Variants in CASZ1 observed in about 807,000 individuals in gnomAD.
CASZ1 encodes the protein castor zinc finger 1.
Under a neutral mutation model 135.2 loss-of-function variants are expected in CASZ1, and 28 were observed. The observed-to-expected ratio is 0.21, with a 90% CI of 0.15 to 0.28. The LOEUF is 0.28. CASZ1 is among the 10% of genes least tolerant of loss of function. The probability of loss-of-function intolerance (pLI) is 1.00; values close to 1 mark genes in which losing one functional copy is unlikely to be tolerated. For synonymous variants in CASZ1, 1,068 were observed against 1,073.4 expected (o/e 0.99, Z 0.10); for missense variants, 2,161 against 2,453.3 (o/e 0.88, Z 2.52).
chr1:10,736,878 G>T (rs1047659589), intron 2 of CASZ1, among the ~76,000 whole-genome samples: 19 of 152,252 alleles, frequency 1.2e-4, no homozygotes, highest in African/African-American at 4.3e-4. Context: ...TGGCACGCCT[G>T]GGTGGGAGGT....
intron 4 of CASZ1, among the ~76,000 whole-genome samples, chr1:10,680,583 C>T (rs567875023): frequency 3.0e-4 from 45 of 152,292 alleles, no homozygotes; most frequent in African/African-American, 9.6e-4. Flanking sequence ...CACTCCAGAG[C>T]GCAAAGGGTA....
rs1642979523 is a variant in CASZ1 at position 10,660,401 on chromosome 1, G to C, written c.641C>G (p.Thr214Ser). ...ISFEKLHAGS[T>S]PEAATSSMLP... Reference sequence around the variant, plus strand: ...CATGGAGGAGGTGGCTGCCTCCGGGGTGGAGCCCGCGTGCAGCTTCTCAAA... The same window carrying C: ...CATGGAGGAGGTGGCTGCCTCCGGGCTGGAGCCCGCGTGCAGCTTCTCAAA... The change falls in exon 6 of 21, where the codon ACC (threonine) becomes AGC (serine). Residue 214 changes from threonine (T) to serine (S), a missense_variant. By Grantham distance (58) the Thr-to-Ser change is moderately conservative (BLOSUM62 1). Coordinates refer to ENST00000377022, the MANE Select transcript of CASZ1 (RefSeq NM_001079843.3). The C allele has an allele frequency of 1.2e-6, 2 of 1,614,200 alleles. No individual in the cohort carries two copies. The highest frequency in any genetic ancestry group is 2.7e-5 in the African/African-American group (2 of 75,068).
chr1:10,756,185 A>G lies in CASZ1; in HGVS notation c.-77+4516T>C, dbSNP rs1640252353. 2.0e-5 allele frequency among the ~76,000 whole-genome samples: 3 copies of G among 152,134 alleles called. No homozygotes were observed. The South Asian group carries it at 6.2e-4, about 31-fold the overall frequency. On this transcript the variant is annotated intron_variant, in intron 2 of 20. Transcript: ENST00000377022. This position sits in a 1 kb window ranked among gnomAD's most constrained non-coding sequence, Gnocchi z 5.9. ...CCCACCACTCCCGCAAGCCGCTGCC[A>G]GCCTGCACTTCTGCTCTCTCCCGTT...
chr1:10,640,446 G>A (rs1321213019), intron 20 of CASZ1, among the ~76,000 whole-genome samples: 1 of 152,202 alleles, frequency 6.6e-6, no homozygotes, highest in South Asian at 2.1e-4. Flanking sequence ...AGTTGGACTC[G>A]GGCCAAGACG....
In CASZ1 at chr1:10,774,994, A is replaced by G. The variant is rs942317910; in HGVS notation, c.-233-14137T>C. Among the ~76,000 whole-genome samples the G allele has an allele frequency of 9.9e-5, 15 of 152,078 alleles. No individual in the cohort carries two copies. The highest frequency in any genetic ancestry group is 3.1e-4 in the African/African-American group (13 of 41,398). ...CACACACACAACACCCCAACAAGGG[A>G]GACAGAATACACCGAGAAAACCTCA... On this transcript the variant is annotated intron_variant, in intron 1 of 20. Coordinates refer to ENST00000377022, the MANE Select transcript of CASZ1 (RefSeq NM_001079843.3). The surrounding 1 kb of genome is among the most constrained non-coding windows in gnomAD (Gnocchi z 4.4).
chr1:10,695,385 C>T (rs1316930558), intron 3 of CASZ1, among the ~76,000 whole-genome samples: 6 of 152,286 alleles, frequency 3.9e-5, no homozygotes, highest in Non-Finnish European at 5.9e-5. Flanking sequence ...TTGGGCCATC[C>T]GCCCCGCAGC....
chr1:10,645,544 C>T (rs950067235), intron 17 of CASZ1, among the ~76,000 whole-genome samples: 1 of 152,194 alleles, frequency 6.6e-6, no homozygotes, highest in Admixed American at 6.5e-5. Context: ...AAGGCAGTGT[C>T]TGCCCTTAGT....
intron 13 of CASZ1, 38 bp from the exon 14 acceptor site, chr1:10,649,475 C>G (rs1642489009): frequency 6.4e-7 from 1 of 1,570,406 alleles, no homozygotes; most frequent in Non-Finnish European, 8.7e-7. Context: ...GCTGGGGTAG[C>G]TTAGAACACA....
intron 1 of CASZ1, among the ~76,000 whole-genome samples, chr1:10,786,108 C>A (rs1429747708): frequency 6.6e-6 from 1 of 152,194 alleles, no homozygotes; most frequent in Non-Finnish European, 1.5e-5. Context: ...TTGCCAGCAC[C>A]CAGAATTCAA....
At position 10,647,922 on chromosome 1, in the gene CASZ1, T is replaced by C; in HGVS notation, c.3376A>G (p.Ile1126Val). 1.2e-6 allele frequency: 2 copies of C among 1,609,358 alleles called. No homozygotes were observed. Among genetic ancestry groups the C allele is most frequent in the Non-Finnish European group, 1.7e-6 (2 of 1,176,900 alleles). ...GCTGGGATCTGAGGCATCTGGGGTATGGTGGAAGCCAGCTGCTTCCAGGCG... is the reference window on the plus strand; with the variant it reads ...GCTGGGATCTGAGGCATCTGGGGTACGGTGGAAGCCAGCTGCTTCCAGGCG... ...LLAWKQLASTIPQMPQIPASV... is the reference protein window; with the variant it reads ...LLAWKQLASTVPQMPQIPASV... The change falls in exon 16 of 21, where the codon ATA (isoleucine) becomes GTA (valine). Residue 1126 changes from isoleucine (I) to valine (V), a missense_variant. Physicochemically the swap from Ile to Val is conservative, Grantham distance 29. Around this residue, in one of 7 missense-constraint regions of CASZ1, gnomAD observed 349 missense variants for 460.8 expected, o/e 0.76. Coordinates refer to ENST00000377022, the MANE Select transcript of CASZ1 (RefSeq NM_001079843.3). This position sits in a 1 kb window ranked among gnomAD's most constrained non-coding sequence, Gnocchi z 4.9.
chr1:10,642,019 T>A (rs994645568), intron 20 of CASZ1: 1 of 152,288 alleles, frequency 6.6e-6, no homozygotes, highest in African/African-American at 2.4e-5. Context: ...CATGTGCGCG[T>A]TACCTGCAGC....
intron 2 of CASZ1, among the ~76,000 whole-genome samples, chr1:10,714,766 T>C (rs1204431723): frequency 6.6e-6 from 1 of 152,212 alleles, no homozygotes; most frequent in Non-Finnish European, 1.5e-5. Flanking sequence ...GGCCTGACCC[T>C]GTCACTTCCA....
At chr1:10,791,844 A>C (rs953200499) in intron 1 of CASZ1, among the ~76,000 whole-genome samples, 2 of 152,150 alleles carry the variant, frequency 1.3e-5, no homozygotes, top group Non-Finnish European at 2.9e-5. Flanking sequence ...TATGTGAGCT[A>C]TTGCTTCAGA....
rs1476630479 is a variant in CASZ1 at position 10,665,395 on chromosome 1, C to T, written c.193G>A (p.Glu65Lys). ...EGSPSQPRDQ[E>K]RSGPESGAAR... is the part of the protein sequence containing the mutation. Reference sequence around the variant, plus strand: ...GCCCCAGACTCAGGGCCACTGCGCTCTTGGTCCCGGGGCTGCGATGGGCTG... The same window carrying T: ...GCCCCAGACTCAGGGCCACTGCGCTTTTGGTCCCGGGGCTGCGATGGGCTG... The change falls in exon 5 of 21, where the codon GAG (glutamate) becomes AAG (lysine). Residue 65 changes from glutamate (E) to lysine (K), a missense_variant. Physicochemically the swap from Glu to Lys is moderately conservative, Grantham distance 56 (BLOSUM62 1). This residue lies in a region of CASZ1 where 590 missense variants were observed against 609.8 expected (regional missense o/e 0.97). Coordinates refer to ENST00000377022, the MANE Select transcript of CASZ1 (RefSeq NM_001079843.3). 1.9e-6 allele frequency: 3 copies of T among 1,612,804 alleles called. No homozygotes were observed. Among genetic ancestry groups the T allele is most frequent in the Non-Finnish European group, 2.5e-6 (3 of 1,179,522 alleles).
At chr1:10,680,638 G>A (rs923824028) in intron 4 of CASZ1, among the ~76,000 whole-genome samples, 1 of 152,142 alleles carries the variant, frequency 6.6e-6, no homozygotes, top group Non-Finnish European at 1.5e-5. Flanking sequence ...GCCACACCCC[G>A]GCTGGGCCCT....
At position 10,709,552 on chromosome 1, in the gene CASZ1, T is replaced by G. The variant is rs1639243807; in HGVS notation, c.-76-4008A>C. Among the ~76,000 whole-genome samples the G allele has an allele frequency of 6.6e-6, 1 of 151,858 alleles. No individual in the cohort carries two copies. The highest frequency in any genetic ancestry group is 2.4e-5 in the African/African-American group (1 of 41,308). On this transcript the variant is annotated intron_variant, in intron 2 of 20. Coordinates refer to ENST00000377022, the MANE Select transcript of CASZ1 (RefSeq NM_001079843.3). This position sits in a 1 kb window ranked among gnomAD's most constrained non-coding sequence, Gnocchi z 5.1. ...ACAAAACCTATTTTCTGCCTCAAATTTGATTGATTAAAAAACTTTTTAGGA... is the reference window on the plus strand; with the variant it reads ...ACAAAACCTATTTTCTGCCTCAAATGTGATTGATTAAAAAACTTTTTAGGA...
chr1:10,789,497 T>C (rs1192040509), intron 1 of CASZ1, among the ~76,000 whole-genome samples: 1 of 151,912 alleles, frequency 6.6e-6, no homozygotes, highest in Non-Finnish European at 1.5e-5. Flanking sequence ...AGAATGATAA[T>C]GAGTTCCGAA....
Position 10,657,254 on chromosome 1 carries a change from AGCCGCC to A in CASZ1, c.1410-524_1410-519del, listed in dbSNP as rs988817240. On this transcript the variant is annotated intron_variant, in intron 7 of 20. Coordinates refer to ENST00000377022, the MANE Select transcript of CASZ1 (RefSeq NM_001079843.3). This position sits in a 1 kb window ranked among gnomAD's most constrained non-coding sequence, Gnocchi z 5.7. ...TCCTACAGCAACGAGCTCACTCTCC[AGCCGCC>A]GCCGCCACCGCCAGGAACCTGTGCT... Among the ~76,000 whole-genome samples the A allele has an allele frequency of 1.3e-5, 2 of 152,206 alleles. No homozygotes were observed. Among genetic ancestry groups the A allele is most frequent in the Non-Finnish European group, 2.9e-5 (2 of 68,024 alleles).
chr1:10,715,708 G>C (rs1441294434), intron 2 of CASZ1, among the ~76,000 whole-genome samples: 482 of 41,364 alleles, frequency 0.012, no homozygotes, highest in Middle Eastern at 0.074. Context: ...CCACACCCCA[G>C]AGCACCCAAT....
Sources: gnomAD v4.1 joint callset for allele counts (sites outside exome capture counted in the v4.1 genomes callset) on GRCh38, gnomAD v4.1.1 for gene constraint, gnomAD v4.1.1 regional missense constraint, Gnocchi (gnomAD v3.1) non-coding constraint, MANE v1.5 for transcripts, NCBI Gene and HGNC (gene_info 2026-07-23, HGNC 2026-07-21) for gene names.